The following AHNAK variants were observed in gnomAD, a reference collection of about 807,000 sequenced individuals.
The protein encoded by AHNAK is neuroblast differentiation-associated protein AHNAK.
A neutral mutation model predicts 37.8 loss-of-function variants in AHNAK; 23 were observed. The ratio of observed to expected loss-of-function variants is 0.61; its 90% CI spans 0.44 to 0.86. AHNAK has a LOEUF of 0.86. AHNAK is among the 40% of genes least tolerant of loss of function. The pLI is 0.00. For missense variants in AHNAK, 7,411 were observed against 7,319.4 expected, an observed-to-expected ratio of 1.01 and a Z score of -0.46; for synonymous variants, 2,481 against 2,636.3, an observed-to-expected ratio of 0.94 and a Z score of 1.80.
chr11:62,528,801 A>G lies in AHNAK; in HGVS notation c.5616T>C (p.Asp1872=). Residue 1872 remains aspartate (D), a synonymous_variant, in exon 5 of 5, where the codon GAT becomes GAC. Transcript: ENST00000378024. ...LHLKGPKVKG[D]ADVSVPKLEG... is the part of the protein sequence containing the mutation. ...CCAATTTTGGCACCGACACATCCGC[A>G]TCCCCTTTGACTTTGGGGCCTTTCA... The G allele has an allele frequency of 6.2e-7, 1 of 1,611,116 alleles. No individual in the cohort carries two copies. The highest frequency in any genetic ancestry group is 8.5e-7 in the Non-Finnish European group (1 of 1,179,260).
chr11:62,458,078 TA>T (rs1938704407), intron 5 of AHNAK, among the ~76,000 whole-genome samples: 1 of 129,810 alleles, frequency 7.7e-6, no homozygotes, highest in Non-Finnish European at 1.8e-5. Context: ...CATGCCTGTC[TA>T]ATTTTTTTTT....
chr11:62,453,985 TA>T (rs1421099521), intron 5 of AHNAK, among the ~76,000 whole-genome samples: 3 of 151,536 alleles, frequency 2.0e-5, no homozygotes, highest in Non-Finnish European at 2.9e-5. Context: ...CATGTGCCTG[TA>T]ATCCCAGCTA....
intron 4 of AHNAK, among the ~76,000 whole-genome samples, chr11:62,508,150 C>T (rs537666399): frequency 3.9e-5 from 6 of 152,234 alleles, no homozygotes; most frequent in South Asian, 2.1e-4. Context: ...TTAAAAAGTC[C>T]GAGTTCAAGT....
In AHNAK at chr11:62,524,073, T is replaced by C; in HGVS notation, c.10344A>G (p.Lys3448=). 1.2e-6 allele frequency: 2 copies of C among 1,614,134 alleles called. No homozygotes were observed. The highest frequency in any genetic ancestry group is 1.7e-6 in the Non-Finnish European group (2 of 1,180,008). Residue 3448 remains lysine, a synonymous_variant, in exon 5 of 5, where the codon AAA becomes AAG. Transcript: ENST00000378024. ...TGACTTCTGGTGCCTTAATATCCAC[T>C]TTGGGGCCTTTAAAGTCACCTTCTA... ...PNLEGDFKGP[K]VDIKAPEVNL...
In AHNAK at chr11:62,543,559, G is replaced by C. The variant is rs368262250; in HGVS notation, c.-100+3101C>G. 7.9e-5 allele frequency among the ~76,000 whole-genome samples: 12 copies of C among 152,348 alleles called. No individual in the cohort carries two copies. In the East Asian group the frequency reaches 1.3e-3, roughly 17 times the overall value. ...CAGCGACAGCTCAGCCACAGCCCTG[G>C]TGGGAACTGAGGCCAGCAGGGAGGA... On this transcript the variant is annotated intron_variant, in intron 1 of 4. Coordinates refer to ENST00000378024, the MANE Select transcript of AHNAK (RefSeq NM_001620.3).
intron 5 of AHNAK, among the ~76,000 whole-genome samples, chr11:62,448,052 C>T (rs990338324): frequency 2.6e-5 from 4 of 152,026 alleles, no homozygotes; most frequent in East Asian, 1.9e-4. Context: ...GAGCCAGCCA[C>T]GCAAAGGCAA....
At position 62,520,753 on chromosome 11, in the gene AHNAK, A is replaced by C; in HGVS notation, c.13664T>G (p.Val4555Gly). 6.2e-7 allele frequency: 1 copy of C among 1,614,116 alleles called. No individual in the cohort carries two copies. Reference protein sequence around the residue: ...EGDLKGPKVDVKGPKVGIDTP... With the variant: ...EGDLKGPKVDGKGPKVGIDTP... ...GTCAATGCCCACTTTAGGGCCTTTG[A>C]CATCCACTTTGGGACCTTTCAGATC... Residue 4555 changes from valine to glycine, a missense_variant, in exon 5 of 5, where the codon GTC (valine) becomes GGC (glycine). Physicochemically the swap from Val to Gly is moderately radical, Grantham distance 109 (BLOSUM62 -3). Coordinates refer to ENST00000378024, the MANE Select transcript of AHNAK (RefSeq NM_001620.3).
chr11:62,529,293 C>T lies in AHNAK; in HGVS notation c.5124G>A (p.Trp1708Ter). Reference sequence around the variant, plus strand: ...TTTTCATCTTGGGCATTTTCAGGTGCCAATCTGGGTCGTGAACCTCCACAT... The same window carrying T: ...TTTTCATCTTGGGCATTTTCAGGTGTCAATCTGGGTCGTGAACCTCCACAT... ...APDVEVHDPD[W>*]HLKMPKMKMP... Residue 1708 changes from tryptophan (W) to a stop codon, truncating the protein, a stop_gained, in exon 5 of 5, where the codon TGG becomes TGA. Coordinates refer to ENST00000378024, the MANE Select transcript of AHNAK (RefSeq NM_001620.3). LOFTEE classifies it low-confidence loss of function (END_TRUNC). 6.2e-7 allele frequency: 1 copy of T among 1,614,090 alleles called. No homozygotes were observed. The highest frequency in any genetic ancestry group is 8.5e-7 in the Non-Finnish European group (1 of 1,180,026).
Position 62,533,392 on chromosome 11 carries a change from C to T in AHNAK, c.1025G>A (p.Gly342Asp), listed in dbSNP as rs975043396. 7.5e-6 allele frequency: 12 copies of T among 1,597,290 alleles called. No homozygotes were observed. The highest frequency in any genetic ancestry group is 2.7e-5 in the African/African-American group (2 of 74,712). ...TTGGATAGTCAAGCCTGGCTTGCCG[C>T]CCTTGTGCCCCACAGAGACTTCAGG... ...SAPEVSVGHK[G>D]GKPGLTIQAP... The change falls in exon 5 of 5, where the codon GGC becomes GAC. Residue 342 changes from glycine (G) to aspartate (D), a missense_variant. By Grantham distance (94) the Gly-to-Asp change is moderately conservative (BLOSUM62 -1). Transcript: ENST00000378024.
chr11:62,473,206 T>TCAA lies in AHNAK; in HGVS notation c.442+18523_442+18525dup, dbSNP rs556102819. On this transcript the variant is annotated intron_variant, in intron 5 of 5. Transcript: ENST00000257247. ...GGTCAGGAGTTCGAGACCAGCCTGG[T>TCAA]CAACATGGTGAAACCCTGTCTCTAC... 1.6e-4 allele frequency among the ~76,000 whole-genome samples: 19 copies of TCAA among 117,540 alleles called. 1 individual carries two copies. The East Asian group carries it at 5.2e-3, about 32-fold the overall frequency. The allele number at this position is 117,540 out of a possible 152,430, so 77.1% of individuals were successfully genotyped here.
rs908593492 is a variant in AHNAK at position 62,475,857 on chromosome 11, A to G, written c.442+15875T>C. On this transcript the variant is annotated intron_variant, in intron 5 of 5. Transcript: ENST00000257247. ...TGACCTCAGGTGATCCGCCCGCCTC[A>G]GTCTCCCAAAGTGCTGGGATTACAG... 7.2e-4 allele frequency among the ~76,000 whole-genome samples: 109 copies of G among 152,094 alleles called. 1 individual carries two copies. Among genetic ancestry groups the G allele is most frequent in the African/African-American group, 2.6e-3 (109 of 41,498 alleles).
chr11:62,439,157 G>A (rs1028847093), intron 5 of AHNAK, among the ~76,000 whole-genome samples: 1 of 142,770 alleles, frequency 7.0e-6, no homozygotes, highest in Non-Finnish European at 1.5e-5. Context: ...GCAATGGCGT[G>A]ATCTCCGCTC....
At chr11:62,507,540 C>G (rs1311240094) in intron 4 of AHNAK, among the ~76,000 whole-genome samples, 1 of 152,198 alleles carries the variant, frequency 6.6e-6, no homozygotes, top group East Asian at 1.9e-4. Flanking sequence ...CCTGTAATCC[C>G]AGCACTTTGG....
In AHNAK at chr11:62,529,747, G is replaced by A; in HGVS notation, c.4670C>T (p.Ala1557Val). Residue 1557 changes from alanine (A) to valine (V), a missense_variant, in exon 5 of 5, where the codon GCT becomes GTT. Transcript: ENST00000378024. ...AGGGCCTTTTAGTTTCCCCTCTGGA[G>A]CTTCAAGATTCACATCTGGAACATC... ...DIDVPDVNLEAPEGKLKGPKF... is the reference protein window; with the variant it reads ...DIDVPDVNLEVPEGKLKGPKF... 1 of 1,614,106 alleles carries A rather than the reference G, an allele frequency of 6.2e-7. No homozygotes were observed. Among genetic ancestry groups the A allele is most frequent in the Non-Finnish European group, 8.5e-7 (1 of 1,180,032 alleles).
intron 4 of AHNAK, among the ~76,000 whole-genome samples, chr11:62,498,561 G>A (rs1288725905): frequency 3.4e-5 from 5 of 148,006 alleles, no homozygotes; most frequent in African/African-American, 1.3e-4. Context: ...AAGTTTGAGA[G>A]CAGCACGTGA....
At chr11:62,436,846 G>C (rs903114050) in intron 5 of AHNAK, among the ~76,000 whole-genome samples, 2 of 152,028 alleles carry the variant, frequency 1.3e-5, no homozygotes, top group African/African-American at 2.4e-5. Flanking sequence ...AACTGAGGCA[G>C]GAGAATGGCG....
At chr11:62,502,489 C>T (rs772426149) in intron 4 of AHNAK, among the ~76,000 whole-genome samples, 35 of 152,226 alleles carry the variant, frequency 2.3e-4, no homozygotes, top group Admixed American at 4.6e-4. Flanking sequence ...ATGAAGTGAT[C>T]GGTTAGTGAT....
chr11:62,480,517 C>T (rs570613018), intron 5 of AHNAK, among the ~76,000 whole-genome samples: 8 of 151,998 alleles, frequency 5.3e-5, no homozygotes, highest in Admixed American at 2.0e-4. Context: ...AAAAATTAGC[C>T]GGGCACGGTG....
At chr11:62,448,326 G>A (rs981043015) in intron 5 of AHNAK, among the ~76,000 whole-genome samples, 1 of 152,180 alleles carries the variant, frequency 6.6e-6, no homozygotes, top group Non-Finnish European at 1.5e-5. Context: ...AGATCCCTGT[G>A]GCTGAAATGT....
Sources: gnomAD v4.1 joint callset for allele counts (sites outside exome capture counted in the v4.1 genomes callset) on GRCh38, gnomAD v4.1.1 for gene constraint, MANE v1.5 for transcripts, NCBI Gene and HGNC (gene_info 2026-07-23, HGNC 2026-07-21) for gene names.